MKLN1: variants seen among roughly 807,000 people sequenced by gnomAD.
The protein encoded by MKLN1 is muskelin 1, also known as muskelin.
In MKLN1, 18 loss-of-function variants were observed where a neutral mutation model predicts 99.0. That is an observed-to-expected ratio of 0.18 (90% CI 0.13 to 0.27). The LOEUF is 0.27. Among genes scored for constraint, MKLN1 ranks in the 10% least tolerant of loss-of-function variants. MKLN1 has a pLI of 1.00. For synonymous variants in MKLN1, 288 were observed against 293.2 expected (o/e 0.98, Z 0.18); for missense variants, 621 against 875.9 (o/e 0.71, Z 3.67).
chr7:131,348,119 T>C (rs1799616345), intron 1 of MKLN1, among the ~76,000 whole-genome samples: 1 of 152,210 alleles, frequency 6.6e-6, no homozygotes, highest in Non-Finnish European at 1.5e-5. Flanking sequence ...ATGTTCCATA[T>C]ATTATTTTAA....
chr7:131,190,459 G>GAA lies in MKLN1; in HGVS notation c.-296-12384_-296-12383dup, dbSNP rs551433955. ...ATTTCCATTCTTTGCTTGCAGCTCT[G>GAA]AAAAAAAAAAAAAAATCTAAAGAGC... On this transcript the variant is annotated intron_variant, in intron 2 of 7. Coordinates refer to the MKLN1 transcript ENST00000416992. 5.3e-5 allele frequency among the ~76,000 whole-genome samples: 7 copies of GAA among 133,208 alleles called. No homozygotes were observed. The East Asian group carries it at 1.1e-3, about 20-fold the overall frequency. The allele number at this position is 133,208 out of a possible 152,430, so 87.4% of individuals were successfully genotyped here. A position where few individuals can be genotyped will look rare whatever the true frequency, so the allele number is the denominator to read the frequency against.
chr7:131,142,597 T>G (rs1057494523), intron 1 of MKLN1, among the ~76,000 whole-genome samples: 3 of 151,436 alleles, frequency 2.0e-5, no homozygotes, highest in Non-Finnish European at 2.9e-5. Flanking sequence ...TAGCTGGGCG[T>G]GTAGGCGGGC....
At chr7:131,406,611 T>C (rs1286417225) in intron 6 of MKLN1, among the ~76,000 whole-genome samples, 1 of 152,042 alleles carries the variant, frequency 6.6e-6, no homozygotes, top group Non-Finnish European at 1.5e-5. Context: ...TCTTTAATCT[T>C]ATGTCTAGGA....
At chr7:131,402,317 G>A (rs568616158) in intron 6 of MKLN1, among the ~76,000 whole-genome samples, 32 of 152,248 alleles carry the variant, frequency 2.1e-4, no homozygotes, top group Admixed American at 1.1e-3. Flanking sequence ...TAGCAGTTCA[G>A]TCACATCTTC....
chr7:131,391,612 G>A (rs944754436), intron 4 of MKLN1, among the ~76,000 whole-genome samples: 1 of 152,194 alleles, frequency 6.6e-6, no homozygotes, highest in Non-Finnish European at 1.5e-5. Flanking sequence ...TACCAGTAAA[G>A]CTGAACTGAT....
intron 1 of MKLN1, among the ~76,000 whole-genome samples, chr7:131,336,025 G>A (rs1799240836): frequency 6.6e-6 from 1 of 151,020 alleles, no homozygotes. Flanking sequence ...ATTACAGAGA[G>A]AGGTGTCTTG....
In MKLN1 at chr7:131,327,932, C is replaced by T. The variant is rs748516414; in HGVS notation, c.33C>T (p.Pro11=). The change falls in exon 1 of 18, where the codon CCC becomes CCT. Residue 11 remains proline (P), a synonymous_variant. Transcript: ENST00000352689. ...CTGGCGGAGCTGTCGCTGCGGCGCCCGAGTGCCGGCTTCTCCCCTACGCGC... is the reference window on the plus strand; with the variant it reads ...CTGGCGGAGCTGTCGCTGCGGCGCCTGAGTGCCGGCTTCTCCCCTACGCGC... MAAGGAVAAA[P]ECRLLPYALH... is the part of the protein sequence containing the mutation. 2 of 1,613,242 alleles carry T rather than the reference C, an allele frequency of 1.2e-6. No homozygotes were observed. The highest frequency in any genetic ancestry group is 1.3e-5 in the African/African-American group (1 of 74,866).
chr7:131,305,899 T>C (rs992141918), intron 3 of MKLN1, among the ~76,000 whole-genome samples: 53 of 152,294 alleles, frequency 3.5e-4, no homozygotes, highest in African/African-American at 2.4e-5. Flanking sequence ...CTGAAAGGCA[T>C]TGGAGAGTGA....
chr7:131,195,532 G>C (rs945123345), intron 2 of MKLN1, among the ~76,000 whole-genome samples: 3 of 152,008 alleles, frequency 2.0e-5, no homozygotes, highest in Admixed American at 2.0e-4. Flanking sequence ...AATGTGTACA[G>C]TGGTTCCCAA....
At chr7:131,315,427 G>T (rs531445689) in intron 3 of MKLN1, among the ~76,000 whole-genome samples, 1 of 152,212 alleles carries the variant, frequency 6.6e-6, no homozygotes, top group South Asian at 2.1e-4. Context: ...AGAGTCCTTC[G>T]TGAGCCTACA....
chr7:131,161,354 G>A (rs894344395), intron 2 of MKLN1, among the ~76,000 whole-genome samples: 1 of 152,154 alleles, frequency 6.6e-6, no homozygotes, highest in African/African-American at 2.4e-5. Flanking sequence ...GCTATCAAGC[G>A]CTTGAAATAT....
chr7:131,410,641 T>TG (rs1307217777), intron 6 of MKLN1, among the ~76,000 whole-genome samples: 1 of 152,134 alleles, frequency 6.6e-6, no homozygotes, highest in Non-Finnish European at 1.5e-5. Context: ...AAAGCACTGT[T>TG]GGGGGAAAGA....
Position 131,179,964 on chromosome 7 carries a change from C to T in MKLN1, c.-296-22893C>T, listed in dbSNP as rs572114564. ...CTGGAGTGCAGTGGCACAACCATAG[C>T]TCACAGCAGTTTGAACTCCTGGTCT... On this transcript the variant is annotated intron_variant, in intron 2 of 7. Coordinates refer to the MKLN1 transcript ENST00000416992. 7.2e-5 allele frequency among the ~76,000 whole-genome samples: 11 copies of T among 152,302 alleles called. No homozygotes were observed. The South Asian group carries it at 2.3e-3, about 32-fold the overall frequency.
At chr7:131,467,422 GGGGT>G (rs1413522558) in intron 15 of MKLN1, among the ~76,000 whole-genome samples, 2 of 152,154 alleles carry the variant, frequency 1.3e-5, no homozygotes, top group Non-Finnish European at 2.9e-5. Context: ...ACAGGTGAGG[GGGGT>G]GGGAATATAG....
chr7:131,441,461 A>G (rs28588471), intron 10 of MKLN1, among the ~76,000 whole-genome samples: 2,476 of 152,322 alleles, frequency 0.016, 47 homozygotes, highest in African/African-American at 0.054. Context: ...TTAAATATCT[A>G]ACTCCTGACA....
rs914254318 is a variant in MKLN1 at position 131,318,149 on chromosome 7, G to T, written c.-178-57275G>T. On this transcript the variant is annotated intron_variant, in intron 3 of 7. Coordinates refer to the MKLN1 transcript ENST00000416992. Reference sequence around the variant, plus strand: ...TAGAACTCTCCACCCCAGATCAACAGAATATACATTCTTCTCAGTACCTCA... The same window carrying T: ...TAGAACTCTCCACCCCAGATCAACATAATATACATTCTTCTCAGTACCTCA... Among the ~76,000 whole-genome samples the T allele has an allele frequency of 2.0e-5, 3 of 152,102 alleles. No homozygotes were observed. In the South Asian group the frequency reaches 6.2e-4, roughly 32 times the overall value.
In MKLN1 at chr7:131,264,832, T is replaced by C. The variant is rs186435568; in HGVS notation, c.-179+61858T>C. ...TAGTAAAATACATTTTCTCCACTTATTCGGTAATTTTTTTTGTTTTTTTTG... is the reference window on the plus strand; with the variant it reads ...TAGTAAAATACATTTTCTCCACTTACTCGGTAATTTTTTTTGTTTTTTTTG... On this transcript the variant is annotated intron_variant, in intron 3 of 7. Coordinates refer to the MKLN1 transcript ENST00000416992. Among the ~76,000 whole-genome samples the C allele has an allele frequency of 2.6e-5, 4 of 152,210 alleles. No homozygotes were observed. In the East Asian group the frequency reaches 7.7e-4, roughly 29 times the overall value.
chr7:131,340,657 G>A (rs1799382781), intron 1 of MKLN1, among the ~76,000 whole-genome samples: 1 of 152,124 alleles, frequency 6.6e-6, no homozygotes, highest in African/African-American at 2.4e-5. Flanking sequence ...TCCATAGAAT[G>A]TATGGAATTT....
chr7:131,320,127 C>G (rs1798748124), intron 3 of MKLN1, among the ~76,000 whole-genome samples: 1 of 152,170 alleles, frequency 6.6e-6, no homozygotes, highest in Non-Finnish European at 1.5e-5. Flanking sequence ...CCAAGACAAT[C>G]ATAAGCAAAA....
Sources: gnomAD v4.1 joint callset for allele counts (sites outside exome capture counted in the v4.1 genomes callset) on GRCh38, gnomAD v4.1.1 for gene constraint, MANE v1.5 for transcripts, NCBI Gene and HGNC (gene_info 2026-07-23, HGNC 2026-07-21) for gene names.